The following KAZN variants were observed in gnomAD, a reference collection of about 807,000 sequenced individuals.
KAZN encodes the protein kazrin, periplakin interacting protein.
A neutral mutation model predicts 87.4 loss-of-function variants in KAZN; 40 were observed. The observed-to-expected ratio is 0.46, with a 90% confidence interval of 0.36 to 0.60. The LOEUF (loss-of-function observed/expected upper bound fraction) is 0.60, where lower values mean the gene tolerates loss of function less well. Ranked by LOEUF, KAZN falls within the 20% of genes least tolerant of loss-of-function variation. The probability of loss-of-function intolerance (pLI) is 0.00; values close to 1 mark genes in which losing one functional copy is unlikely to be tolerated. For synonymous variants in KAZN, 466 were observed against 458.3 expected (o/e 1.02, Z -0.22); for missense variants, 898 against 1,073.9 (o/e 0.84, Z 2.29).
At chr1:15,063,832 C>T (rs1455046085) in intron 7 of KAZN, among the ~76,000 whole-genome samples, 2 of 135,116 alleles carry the variant, frequency 1.5e-5, no homozygotes, top group Non-Finnish European at 2.9e-5. Context: ...GCCGCACACC[C>T]AAGGCGGAGA....
chr1:14,486,702 A>G (rs748725544), intron 2 of KAZN, among the ~76,000 whole-genome samples: 36 of 152,222 alleles, frequency 2.4e-4, no homozygotes, highest in Non-Finnish European at 4.0e-4. Context: ...ACTAGGTAAT[A>G]AGAGTTGACA....
At chr1:14,903,381 G>A (rs977700601) in intron 1 of KAZN, among the ~76,000 whole-genome samples, 4 of 152,188 alleles carry the variant, frequency 2.6e-5, no homozygotes, top group African/African-American at 4.8e-5. Flanking sequence ...TTTCACTTTC[G>A]TCCCAGCCTT....
intron 1 of KAZN, among the ~76,000 whole-genome samples, chr1:13,958,719 C>T (rs12090329): frequency 3.9e-4 from 60 of 152,048 alleles, no homozygotes; most frequent in African/African-American, 1.3e-3. Context: ...CTGGTGGTGA[C>T]GAGGCCCTGT....
chr1:15,104,400 T>C (rs1274504001), intron 13 of KAZN, among the ~76,000 whole-genome samples: 2 of 152,130 alleles, frequency 1.3e-5, no homozygotes, highest in Non-Finnish European at 2.9e-5. Flanking sequence ...TAGAAAGACG[T>C]AGAGGAGCAG....
At chr1:14,146,536 C>CAAAAAA (rs55928646) in intron 1 of KAZN, among the ~76,000 whole-genome samples, 181 of 62,980 alleles carry the variant, frequency 2.9e-3, no homozygotes, top group Non-Finnish European at 3.7e-3. Context: ...AACTCCATCT[C>CAAAAAA]AAAAAAAAAA....
chr1:14,103,849 C>T (rs150232821), intron 1 of KAZN, among the ~76,000 whole-genome samples: 3 of 152,142 alleles, frequency 2.0e-5, no homozygotes, highest in Admixed American at 6.5e-5. Flanking sequence ...GGGATTAGTA[C>T]GGAGACATCG....
At chr1:14,411,709 G>A (rs988801776) in intron 2 of KAZN, among the ~76,000 whole-genome samples, 2 of 152,104 alleles carry the variant, frequency 1.3e-5, no homozygotes, top group African/African-American at 2.4e-5. Context: ...GTGAGGTACA[G>A]GAAGAAATAT....
At chr1:14,016,174 G>A (rs1037976237) in intron 1 of KAZN, among the ~76,000 whole-genome samples, 1 of 152,048 alleles carries the variant, frequency 6.6e-6, no homozygotes, top group Non-Finnish European at 1.5e-5. Flanking sequence ...CCCAATGCAC[G>A]AAGCATTGCC....
At chr1:14,239,451 G>GT (rs1648726588) in intron 2 of KAZN, among the ~76,000 whole-genome samples, 1 of 110,638 alleles carries the variant, frequency 9.0e-6, no homozygotes, top group Non-Finnish European at 1.9e-5. Context: ...CATAAGTTGG[G>GT]TTTCTTTTTT....
chr1:14,454,430 G>A (rs1667453996), intron 2 of KAZN, among the ~76,000 whole-genome samples: 1 of 152,100 alleles, frequency 6.6e-6, no homozygotes, highest in Non-Finnish European at 1.5e-5. Context: ...CTCAATTAGA[G>A]TCCAATAAGC....
chr1:14,827,274 G>C (rs951389331), intron 1 of KAZN, among the ~76,000 whole-genome samples: 2 of 152,080 alleles, frequency 1.3e-5, no homozygotes, highest in Non-Finnish European at 2.9e-5. Flanking sequence ...TAAACTTTCC[G>C]TAAGTGTTTG....
chr1:14,951,983 C>G (rs893827454), intron 1 of KAZN, among the ~76,000 whole-genome samples: 2 of 152,164 alleles, frequency 1.3e-5, no homozygotes, highest in Non-Finnish European at 2.9e-5. Flanking sequence ...GCCCAGCAGA[C>G]CTGGGCTTGA....
At chr1:15,047,119 A>T (rs754258098) in intron 4 of KAZN, among the ~76,000 whole-genome samples, 8 of 152,164 alleles carry the variant, frequency 5.3e-5, no homozygotes, top group African/African-American at 1.9e-4. Flanking sequence ...ACTCAGGTTG[A>T]TTGGTTTATG....
At chr1:14,426,713 G>A (rs888477689) in intron 2 of KAZN, among the ~76,000 whole-genome samples, 1 of 152,114 alleles carries the variant, frequency 6.6e-6, no homozygotes, top group Non-Finnish European at 1.5e-5. Context: ...GAACTAGAAA[G>A]CCAAATGTCC....
intron 1 of KAZN, among the ~76,000 whole-genome samples, chr1:14,743,650 C>T (rs902994471): frequency 1.1e-4 from 16 of 152,128 alleles, no homozygotes; most frequent in Non-Finnish European, 1.5e-4. Context: ...ATCTCTCCCT[C>T]TCCTCGGGTC....
chr1:14,366,713 T>C (rs1430204685), intron 2 of KAZN, among the ~76,000 whole-genome samples: 1 of 152,244 alleles, frequency 6.6e-6, no homozygotes, highest in Non-Finnish European at 1.5e-5. Context: ...TGTGTTACAG[T>C]GCTCTTTGAG....
chr1:15,112,654 G>A (rs1037700775), intron 14 of KAZN, 113 bp downstream of exon 14: 31 of 681,148 alleles, frequency 4.6e-5, no homozygotes, highest in Non-Finnish European at 7.4e-5. Flanking sequence ...GGAGTGCCAG[G>A]CCGGGTCACG....
At chr1:14,953,485 T>C (rs1480178614) in intron 1 of KAZN, among the ~76,000 whole-genome samples, 6 of 152,234 alleles carry the variant, frequency 3.9e-5, no homozygotes, top group Non-Finnish European at 8.8e-5. Flanking sequence ...ATTTAACTCC[T>C]CTGTGATTCA....
chr1:14,438,220 T>C (rs74059507), intron 2 of KAZN, among the ~76,000 whole-genome samples: 2,404 of 152,224 alleles, frequency 0.016, 69 homozygotes, highest in African/African-American at 0.054. Context: ...TACATCAAAT[T>C]ACTCAACACA....
Sources: allele counts gnomAD v4.1 joint callset (sites outside exome capture counted in the v4.1 genomes callset), GRCh38; gene constraint gnomAD v4.1.1; transcripts MANE v1.5; gene names NCBI Gene and HGNC (gene_info 2026-07-23, HGNC 2026-07-21).